SLAIN2: variants seen among roughly 807,000 people sequenced by gnomAD.
SLAIN2 encodes SLAIN family member 2, also known as SLAIN motif-containing protein 2.
Under a neutral mutation model 56.6 loss-of-function variants are expected in SLAIN2, and 31 were observed. The observed-to-expected ratio is 0.55, with a 90% CI of 0.41 to 0.74. SLAIN2 has a LOEUF of 0.74. Ranked by LOEUF, SLAIN2 falls within the 30% of genes least tolerant of loss-of-function variation. SLAIN2 has a pLI of 0.00. For missense variants in SLAIN2, 777 were observed against 754.2 expected (o/e 1.03, Z -0.35); for synonymous variants, 317 against 284.9 (o/e 1.11, Z -1.13).
chr4:48,359,970 G>A (rs417242), intron 1 of SLAIN2, among the ~76,000 whole-genome samples: 83,284 of 151,676 alleles, frequency 0.55, 23,385 homozygotes, highest in South Asian at 0.69. Context: ...CCTGACCAAC[G>A]TGGTGAAACC....
At chr4:48,355,307 G>T (rs995197789) in intron 1 of SLAIN2, among the ~76,000 whole-genome samples, 7 of 152,284 alleles carry the variant, frequency 4.6e-5, no homozygotes, top group African/African-American at 1.7e-4. Flanking sequence ...GAGGCATAAG[G>T]GATGATGTGA....
chr4:48,354,657 G>A (rs1426713226), intron 1 of SLAIN2, among the ~76,000 whole-genome samples: 1 of 151,942 alleles, frequency 6.6e-6, no homozygotes, highest in Non-Finnish European at 1.5e-5. Context: ...AGTAGCGATG[G>A]GTTTTCACCA....
At chr4:48,376,542 A>G (rs1356030621) in intron 2 of SLAIN2, among the ~76,000 whole-genome samples, 2 of 149,522 alleles carry the variant, frequency 1.3e-5, no homozygotes, top group Admixed American at 1.3e-4. Context: ...TCTTAGTCCT[A>G]CTGTTGTACT....
chr4:48,416,544 C>A (rs1717000382), intron 6 of SLAIN2, among the ~76,000 whole-genome samples: 1 of 148,350 alleles, frequency 6.7e-6, no homozygotes, highest in Non-Finnish European at 1.5e-5. Flanking sequence ...TAATTGAATA[C>A]CCTTTATTTC....
At position 48,383,789 on chromosome 4, in the gene SLAIN2, G is replaced by A. The variant is rs1716033199; in HGVS notation, c.1360+5G>A. 1 of 1,610,372 alleles carries A rather than the reference G, an allele frequency of 6.2e-7. No homozygotes were observed. The highest frequency in any genetic ancestry group is 8.5e-7 in the Non-Finnish European group (1 of 1,177,940). On this transcript the variant is annotated splice_donor_5th_base_variant and intron_variant, in intron 6 of 7. Coordinates refer to ENST00000264313, the MANE Select transcript of SLAIN2 (RefSeq NM_020846.2). ...TGCAACCTCAGGCTTCAGCCAGTAA[G>A]TATCCTTCTTATGCTTTCATGTATC...
At chr4:48,396,978 T>C (rs750151742) in intron 6 of SLAIN2, among the ~76,000 whole-genome samples, 6 of 152,200 alleles carry the variant, frequency 3.9e-5, no homozygotes, top group Non-Finnish European at 5.9e-5. Flanking sequence ...GCATTTTCTT[T>C]TTGCAAGTTT....
In SLAIN2 at chr4:48,379,673, C is replaced by CTTTT; in HGVS notation, c.704-7_704-4dup. ...GCTTTACCAGAGTTTGAATTTTTTT[C>CTTTT]TTTTTTTTTTTTTAAGGTAACTTGA... is the stretch of plus-strand genomic sequence containing the variant. On this transcript the variant is annotated splice_polypyrimidine_tract_variant and intron_variant, in intron 3 of 7. Coordinates refer to ENST00000264313, the MANE Select transcript of SLAIN2 (RefSeq NM_020846.2). The CTTTT allele has an allele frequency of 8.7e-7, 1 of 1,144,582 alleles. No individual in the cohort carries two copies. The allele number at this position is 1,144,582 out of a possible 1,614,324, so 70.9% of individuals were successfully genotyped here.
chr4:48,358,691 T>C (rs1560451156), intron 1 of SLAIN2, among the ~76,000 whole-genome samples: 1 of 151,952 alleles, frequency 6.6e-6, no homozygotes. Context: ...TGCTTGTGAG[T>C]AAAACCAAAG....
In SLAIN2 at chr4:48,422,933, A is replaced by C. The variant is rs778429066; in HGVS notation, c.*856A>C. The C allele has an allele frequency of 2.6e-5, 4 of 152,200 alleles. No individual in the cohort carries two copies. The highest frequency in any genetic ancestry group is 6.5e-5 in the Admixed American group (1 of 15,276). 9.4% of individuals were successfully genotyped at this position (152,200 alleles called of 1,614,324 possible). A position where few individuals can be genotyped will look rare whatever the true frequency, so the allele number is the denominator to read the frequency against. ...GCTGTTATCTTTACAGAACTAAGAG[A>C]TCTTGTTTCTATTAGCAGGTTTTCA... On this transcript the variant is annotated 3_prime_UTR_variant, in exon 8 of 8. Coordinates refer to ENST00000264313, the MANE Select transcript of SLAIN2 (RefSeq NM_020846.2).
intron 1 of SLAIN2, among the ~76,000 whole-genome samples, chr4:48,350,843 TAGAGAA>T (rs1714992250): frequency 3.9e-5 from 6 of 152,092 alleles, no homozygotes; most frequent in Admixed American, 3.9e-4. Context: ...TTAGAGACTT[TAGAGAA>T]AAAAATATTG....
chr4:48,383,808 A>C (rs1716034076), intron 6 of SLAIN2, 24 bp downstream of exon 6: 3 of 1,595,558 alleles, frequency 1.9e-6, no homozygotes, highest in Non-Finnish European at 2.6e-6. Flanking sequence ...TTATGCTTTC[A>C]TGTATCAGTT....
chr4:48,395,746 G>T (rs1322816443), intron 6 of SLAIN2, among the ~76,000 whole-genome samples: 2 of 149,388 alleles, frequency 1.3e-5, no homozygotes, highest in Admixed American at 6.6e-5. Context: ...TGATGGGAAA[G>T]GAGGTGACTT....
intron 6 of SLAIN2, among the ~76,000 whole-genome samples, chr4:48,388,273 A>G (rs1436281709): frequency 1.3e-5 from 2 of 152,210 alleles, no homozygotes; most frequent in Non-Finnish European, 2.9e-5. Flanking sequence ...AGAGCATTGC[A>G]GAGGTCATGG....
chr4:48,408,530 C>CAAA (rs3072283), intron 6 of SLAIN2, among the ~76,000 whole-genome samples: 21,511 of 108,664 alleles, frequency 0.2, 2,388 homozygotes, highest in Middle Eastern at 0.26. Context: ...CCGTTTTTAG[C>CAAA]AAAAAAAAAA....
At chr4:48,421,908 T>C in intron 7 of SLAIN2, 103 bp from the exon 8 acceptor site, 1 of 923,954 alleles carries the variant, frequency 1.1e-6, no homozygotes, top group South Asian at 1.5e-5. Flanking sequence ...CTTCATGGGA[T>C]CGTGATGCCA....
rs140931316 is a variant in SLAIN2, at chr4:48,398,781, G to A, written c.1360+14997G>A. On this transcript the variant is annotated intron_variant, in intron 6 of 7. Coordinates refer to ENST00000264313, the MANE Select transcript of SLAIN2 (RefSeq NM_020846.2). ...TTTCCCCATTGCTTGTTTTTGTCAGGTTTGTCAAAGATCAGATGGCTGTAG... is the reference window on the plus strand; with the variant it reads ...TTTCCCCATTGCTTGTTTTTGTCAGATTTGTCAAAGATCAGATGGCTGTAG... 7.4e-3 allele frequency among the ~76,000 whole-genome samples: 1,131 copies of A among 152,202 alleles called. 4 individuals carry two copies. The highest frequency in any genetic ancestry group is 0.027 in the Middle Eastern group (8 of 294).
At chr4:48,378,248 C>T (rs1163516814) in intron 3 of SLAIN2, among the ~76,000 whole-genome samples, 188 bp downstream of exon 3, 5 of 152,104 alleles carry the variant, frequency 3.3e-5, no homozygotes, top group African/African-American at 1.2e-4. Context: ...TAAACATAAG[C>T]CAGTGTGCTA....
chr4:48,342,652 C>T (rs1213366136), intron 1 of SLAIN2, among the ~76,000 whole-genome samples: 1 of 146,926 alleles, frequency 6.8e-6, no homozygotes, highest in Non-Finnish European at 1.5e-5. Flanking sequence ...ATCAGCACTC[C>T]CCTTTGGGTA....
intron 1 of SLAIN2, among the ~76,000 whole-genome samples, chr4:48,353,241 G>A (rs1227662695): frequency 6.6e-6 from 1 of 152,170 alleles, no homozygotes; most frequent in Non-Finnish European, 1.5e-5. Context: ...CTAACCAGAT[G>A]AGATGTCAGA....
Sources: allele counts gnomAD v4.1 joint callset (sites outside exome capture counted in the v4.1 genomes callset), GRCh38; gene constraint gnomAD v4.1.1; transcripts MANE v1.5; gene names NCBI Gene and HGNC (gene_info 2026-07-23, HGNC 2026-07-21).